Variants in PLA2G6 observed in about 807,000 individuals in gnomAD.
PLA2G6 encodes 85/88 kDa calcium-independent phospholipase A2.
Under a neutral mutation model 83.8 loss-of-function variants are expected in PLA2G6, and 62 were observed. The observed-to-expected ratio is 0.74, with a 90% CI of 0.60 to 0.91. PLA2G6 has a LOEUF of 0.91. PLA2G6 is among the 40% of genes least tolerant of loss of function. The probability of loss-of-function intolerance (pLI) is 0.00; values close to 1 mark genes in which losing one functional copy is unlikely to be tolerated. For missense variants in PLA2G6, 944 were observed against 1,102.0 expected (o/e 0.86, Z 2.03); for synonymous variants, 417 against 449.8 (o/e 0.93, Z 0.92).
At chr22:38,162,208 CAAAAAAAAAAAAAAGAAA>C (rs2090043386) in intron 2 of PLA2G6, among the ~76,000 whole-genome samples, 2 of 74,532 alleles carry the variant, frequency 2.7e-5, no homozygotes, top group Admixed American at 3.1e-4. Flanking sequence ...GACTCTGTGT[CAAAAAAAAAAAAAAGAAA>C]AAAAAAAAAA....
intron 5 of PLA2G6, 200 bp downstream of exon 5, chr22:38,139,782 A>G (rs1602160034): frequency 3.4e-6 from 2 of 590,506 alleles, no homozygotes; most frequent in East Asian, 2.8e-5. Context: ...TTGTGAACCG[A>G]GATTCCTACC....
chr22:38,113,639 C>A lies in PLA2G6; in HGVS notation c.2050G>T (p.Val684Leu). The part of the protein sequence containing the change: ...DLIRKGQANK[V>L]KKLSIVVSLG... The stretch of plus-strand genomic sequence containing the variant: ...GAGACAACGATGGAGAGTTTCTTCA[C>A]CTTGTTGGCCTGACCCTGTTGGGAA... Residue 684 changes from valine to leucine, a missense_variant, in exon 15 of 17, where the codon GTG (valine) becomes TTG (leucine). By Grantham distance (32) the Val-to-Leu change is conservative. Transcript: ENST00000332509. The A allele has an allele frequency of 6.2e-7, 1 of 1,613,808 alleles. No homozygotes were observed. Among genetic ancestry groups the A allele is most frequent in the Non-Finnish European group, 8.5e-7 (1 of 1,180,020 alleles).
At position 38,128,512 on chromosome 22, in the gene PLA2G6, A is replaced by T; in HGVS notation, c.1187-82T>A. ...CAAAGGAGAGGCCCCTCCTTTCCAC[A>T]CTCCGTCCCCTGTCCCAGCTCCCAG... On this transcript the variant is annotated intron_variant, in intron 8 of 16. Coordinates refer to ENST00000332509, the MANE Select transcript of PLA2G6 (RefSeq NM_003560.4). The surrounding 1 kb of genome is among the most constrained non-coding windows in gnomAD (Gnocchi z 4.4). 7 of 1,455,514 alleles carry T rather than the reference A, an allele frequency of 4.8e-6. No homozygotes were observed. The highest frequency in any genetic ancestry group is 6.6e-6 in the Non-Finnish European group (7 of 1,053,832). The allele number at this position is 1,455,514 out of a possible 1,614,324, so 90.2% of individuals were successfully genotyped here. A position where few individuals can be genotyped will look rare whatever the true frequency, so the allele number is the denominator to read the frequency against.
intron 9 of PLA2G6, 121 bp from the exon 10 acceptor site, chr22:38,126,570 T>G: frequency 1.4e-6 from 1 of 714,100 alleles, no homozygotes; most frequent in Non-Finnish European, 2.5e-6. Context: ...ATCCCCCCAC[T>G]CCCCCTGTCA....
At chr22:38,131,799 G>A (rs1388586653) in intron 7 of PLA2G6, 5 of 257,740 alleles carry the variant, frequency 1.9e-5, no homozygotes, top group South Asian at 7.5e-5. Flanking sequence ...TATAGAAAAC[G>A]TGCACACGGT....
chr22:38,160,689 C>CA (rs1389164803), intron 2 of PLA2G6, among the ~76,000 whole-genome samples: 1 of 152,068 alleles, frequency 6.6e-6, no homozygotes, highest in East Asian at 1.9e-4. Flanking sequence ...TACTAAAATA[C>CA]AAAAAATTAG....
chr22:38,113,287 C>A (rs764341309), intron 15 of PLA2G6, among the ~76,000 whole-genome samples, 200 bp downstream of exon 15: 1 of 152,150 alleles, frequency 6.6e-6, no homozygotes, highest in Non-Finnish European at 1.5e-5. Context: ...TTGAAAACCC[C>A]CCTGCTGGTG....
At chr22:38,141,595 T>A (rs2088906647) in intron 4 of PLA2G6, 1 of 152,080 alleles carries the variant, frequency 6.6e-6, no homozygotes, top group African/African-American at 2.4e-5. Flanking sequence ...CGCTTCTTAA[T>A]TAACAACACT....
At chr22:38,159,980 C>A (rs979616591) in intron 2 of PLA2G6, among the ~76,000 whole-genome samples, 13 of 152,074 alleles carry the variant, frequency 8.5e-5, no homozygotes, top group African/African-American at 2.9e-4. Flanking sequence ...GTATCACTGA[C>A]AAAAGGTGTG....
At chr22:38,179,177 G>A (rs2090750210) in intron 1 of PLA2G6, among the ~76,000 whole-genome samples, 1 of 152,218 alleles carries the variant, frequency 6.6e-6, no homozygotes. Context: ...CAAAGGCCAT[G>A]GGGCTGGAAC....
At chr22:38,121,795 C>T (rs547249644) in intron 11 of PLA2G6, among the ~76,000 whole-genome samples, 40 of 152,314 alleles carry the variant, frequency 2.6e-4, no homozygotes, top group South Asian at 1.5e-3. Context: ...TCTGCCCAGT[C>T]TGCCTGCTCA....
At chr22:38,140,641 C>A (rs920692503) in intron 4 of PLA2G6, 1 of 196,070 alleles carries the variant, frequency 5.1e-6, no homozygotes, top group Admixed American at 5.4e-5. Flanking sequence ...GTAGCTGTAT[C>A]TCAGGATGGG....
In PLA2G6 at chr22:38,158,144, G is replaced by A. The variant is rs561011555; in HGVS notation, c.209+11074C>T. 2.6e-5 allele frequency among the ~76,000 whole-genome samples: 4 copies of A among 151,732 alleles called. No homozygotes were observed. In the South Asian group the frequency reaches 6.3e-4, roughly 24 times the overall value. On this transcript the variant is annotated intron_variant, in intron 2 of 16. Coordinates refer to ENST00000332509, the MANE Select transcript of PLA2G6 (RefSeq NM_003560.4). ...GATACGTAGTATTTGCATCATCATT[G>A]GGTCAAGATATTTTCTTTTTCTTTT... is the stretch of plus-strand genomic sequence containing the variant.
At chr22:38,145,744 T>C (rs2145831655) in intron 2 of PLA2G6, 91 bp from the exon 3 acceptor site, 1 of 821,136 alleles carries the variant, frequency 1.2e-6, no homozygotes, top group Non-Finnish European at 2.0e-6. Context: ...GTCCCCAGGC[T>C]GCGGCCTGGC....
intron 1 of PLA2G6, among the ~76,000 whole-genome samples, chr22:38,177,084 C>A (rs1324139417): frequency 6.6e-6 from 1 of 151,640 alleles, no homozygotes; most frequent in Non-Finnish European, 1.5e-5. Flanking sequence ...AATCATTCTC[C>A]CTGTTTGGCA....
chr22:38,150,366 T>C (rs1348580828), intron 2 of PLA2G6: 1 of 152,246 alleles, frequency 6.6e-6, no homozygotes, highest in Non-Finnish European at 1.5e-5. Context: ...GTGACGACTC[T>C]TGGTCCTGGG....
chr22:38,123,314 A>G lies in PLA2G6; in HGVS notation c.1428-56T>C. 1 of 1,518,622 alleles carries G rather than the reference A, an allele frequency of 6.6e-7. No homozygotes were observed. The highest frequency in any genetic ancestry group is 8.9e-7 in the Non-Finnish European group (1 of 1,118,794). The allele number at this position is 1,518,622 out of a possible 1,614,324, so 94.1% of individuals were successfully genotyped here. On this transcript the variant is annotated intron_variant, in intron 10 of 16. Coordinates refer to ENST00000332509, the MANE Select transcript of PLA2G6 (RefSeq NM_003560.4). The surrounding 1 kb of genome is among the most constrained non-coding windows in gnomAD (Gnocchi z 4.1). ...GGGTCCTGCCACAGCCCAGTACTTT[A>G]CATCCACCCTCATAGCCCTTGTCCC...
intron 5 of PLA2G6, 67 bp from the exon 6 acceptor site, chr22:38,135,151 G>T: frequency 9.3e-7 from 1 of 1,072,014 alleles, no homozygotes; most frequent in Non-Finnish European, 1.4e-6. Flanking sequence ...ATGAAGCCAG[G>T]ACTTGGAGCT....
At chr22:38,179,316 G>A (rs769840946) in intron 1 of PLA2G6, among the ~76,000 whole-genome samples, 1 of 152,190 alleles carries the variant, frequency 6.6e-6, no homozygotes, top group Non-Finnish European at 1.5e-5. Flanking sequence ...ACTCTGGCTG[G>A]GTGTGGGGTA....
Sources: allele counts gnomAD v4.1 joint callset (sites outside exome capture counted in the v4.1 genomes callset), GRCh38; gene constraint gnomAD v4.1.1; non-coding constraint Gnocchi (gnomAD v3.1); transcripts MANE v1.5; gene names NCBI Gene and HGNC (gene_info 2026-07-23, HGNC 2026-07-21).